Variants in BRWD1 observed in about 807,000 individuals in gnomAD.
BRWD1 encodes the protein bromodomain and WD repeat-containing protein 1.
BRWD1 carries 82 observed loss-of-function variants against 251.2 expected under a neutral mutation model. That is an observed-to-expected ratio of 0.33 (90% CI 0.27 to 0.39). BRWD1 has a LOEUF of 0.39. BRWD1 is among the 10% of genes least tolerant of loss of function. BRWD1 has a pLI of 1.00. For missense variants in BRWD1, 2,233 were observed against 2,711.6 expected (o/e 0.82, Z 3.92); for synonymous variants, 918 against 902.8 (o/e 1.02, Z -0.30).
intron 20 of BRWD1, among the ~76,000 whole-genome samples, chr21:39,249,751 G>T (rs2034326591): frequency 6.6e-6 from 1 of 152,152 alleles, no homozygotes; most frequent in South Asian, 2.1e-4. Context: ...TCGTATTAAT[G>T]AGTTTCACGA....
At position 39,218,291 on chromosome 21, in the gene BRWD1, G is replaced by T. The variant is rs2033036348; in HGVS notation, c.3539-19C>A. ...GCTATATCTGTTAGGGAAGACAGGA[G>T]AGTTTTTAATCAATAAATCCATTGC... On this transcript the variant is annotated intron_variant, in intron 30 of 40. Transcript: ENST00000342449. 1.3e-6 allele frequency: 2 copies of T among 1,589,638 alleles called. No homozygotes were observed. The highest frequency in any genetic ancestry group is 2.3e-5 in the South Asian group (2 of 86,128).
At chr21:39,293,226 G>A (rs2035865411) in intron 8 of BRWD1, among the ~76,000 whole-genome samples, 1 of 152,162 alleles carries the variant, frequency 6.6e-6, no homozygotes, top group Non-Finnish European at 1.5e-5. Flanking sequence ...GCGGCACGGT[G>A]GCTCACGCCT....
rs539145226 is a variant in BRWD1, at chr21:39,189,349, G to A, written c.*6910C>T. On this transcript the variant is annotated 3_prime_UTR_variant, in exon 41 of 41. Transcript: ENST00000342449. ...AATTTGTAACAAAATGCTTTAAGTT[G>A]CAGAAATTCCATTTTGATGTGTGAT... 5.1e-6 allele frequency: 5 copies of A among 984,910 alleles called. No individual in the cohort carries two copies. Among genetic ancestry groups the A allele is most frequent in the Non-Finnish European group, 4.8e-6 (4 of 829,648 alleles). The allele number at this position is 984,910 out of a possible 1,614,324, so 61.0% of individuals were successfully genotyped here.
At chr21:39,297,016 T>C (rs895204345) in intron 5 of BRWD1, 4 of 985,302 alleles carry the variant, frequency 4.1e-6, no homozygotes, top group Non-Finnish European at 4.8e-6. Flanking sequence ...CCCTTCATTG[T>C]AGGATCACAG....
At chr21:39,215,585 A>G (rs539928522) in intron 31 of BRWD1, among the ~76,000 whole-genome samples, 2 of 152,324 alleles carry the variant, frequency 1.3e-5, no homozygotes, top group African/African-American at 4.8e-5. Flanking sequence ...AATCTTAACA[A>G]ATTACTTAAT....
intron 7 of BRWD1, among the ~76,000 whole-genome samples, chr21:39,295,173 ATGTTT>A (rs1271551650): frequency 1.2e-4 from 11 of 88,256 alleles, no homozygotes; most frequent in African/African-American, 4.2e-4. Flanking sequence ...AGGTATGTCT[ATGTTT>A]TTTTTTTTTT....
chr21:39,187,151 A>G lies in BRWD1; in HGVS notation c.*9108T>C, dbSNP rs760977197. On this transcript the variant is annotated 3_prime_UTR_variant, in exon 41 of 41. Coordinates refer to ENST00000342449, the MANE Select transcript of BRWD1 (RefSeq NM_033656.4). ...TCATCCTCTTTATAAACATTCAGTA[A>G]TTTTTTCTTAGCCGCAGCAGAAGCA... 5 of 1,613,534 alleles carry G rather than the reference A, an allele frequency of 3.1e-6. No individual in the cohort carries two copies. The highest frequency in any genetic ancestry group is 2.2e-5 in the South Asian group (2 of 90,940).
upstream of BRWD1, among the ~76,000 whole-genome samples, chr21:39,316,508 C>T (rs2036700004): frequency 1.3e-5 from 2 of 152,170 alleles, no homozygotes; most frequent in African/African-American, 4.8e-5. Flanking sequence ...AGGAGTTGTG[C>T]ATTTCATTTT....
At chr21:39,204,698 A>T (rs2032305396) in intron 37 of BRWD1, among the ~76,000 whole-genome samples, 1 of 152,194 alleles carries the variant, frequency 6.6e-6, no homozygotes, top group Non-Finnish European at 1.5e-5. Flanking sequence ...TTTTCCATGG[A>T]CTGGGACTGG....
In BRWD1 at chr21:39,194,417, T is replaced by TA. The variant is rs1453232365; in HGVS notation, c.*1841dup. 2 of 1,211,642 alleles carry TA rather than the reference T, an allele frequency of 1.7e-6. No individual in the cohort carries two copies. Among genetic ancestry groups the TA allele is most frequent in the African/African-American group, 1.6e-5 (1 of 63,800 alleles). The allele number at this position is 1,211,642 out of a possible 1,614,324, so 75.1% of individuals were successfully genotyped here. On this transcript the variant is annotated 3_prime_UTR_variant, in exon 41 of 41. Coordinates refer to ENST00000342449, the MANE Select transcript of BRWD1 (RefSeq NM_033656.4). ...ATTAGCAAAGTAAAAGGCATCCCAT[T>TA]AGTCTTTTCAGTCTTAGTCAAGGAC...
chr21:39,254,345 G>T (rs906971670), intron 19 of BRWD1, among the ~76,000 whole-genome samples: 19 of 152,156 alleles, frequency 1.2e-4, no homozygotes, highest in Non-Finnish European at 2.6e-4. Flanking sequence ...TTTACAAGAT[G>T]AACTATAATA....
intron 20 of BRWD1, among the ~76,000 whole-genome samples, chr21:39,248,947 G>C (rs2034301054): frequency 6.6e-6 from 1 of 151,860 alleles, no homozygotes; most frequent in South Asian, 2.1e-4. Context: ...AATAGTATAA[G>C]ACATGGAATC....
intron 11 of BRWD1, 79 bp downstream of exon 11, chr21:39,277,172 G>T: frequency 1.1e-6 from 1 of 895,700 alleles, no homozygotes; most frequent in Non-Finnish European, 1.6e-6. Context: ...TAAAAGTAGA[G>T]CCAATAACAA....
chr21:39,290,199 A>G (rs1235948549), intron 8 of BRWD1, among the ~76,000 whole-genome samples: 1 of 151,064 alleles, frequency 6.6e-6, no homozygotes, highest in Non-Finnish European at 1.5e-5. Context: ...TGTTAAAATC[A>G]CCCACTGAGG....
intron 7 of BRWD1, among the ~76,000 whole-genome samples, chr21:39,295,118 G>A (rs1219488900): frequency 6.9e-6 from 1 of 145,664 alleles, no homozygotes; most frequent in East Asian, 2.1e-4. Flanking sequence ...TAATTACAAT[G>A]TAATCTAATT....
chr21:39,205,138 C>A (rs1226627733), intron 37 of BRWD1, among the ~76,000 whole-genome samples: 1 of 152,092 alleles, frequency 6.6e-6, no homozygotes, highest in East Asian at 1.9e-4. Flanking sequence ...TCAGAATGTA[C>A]AGTACTCTAA....
intron 8 of BRWD1, among the ~76,000 whole-genome samples, chr21:39,290,001 G>T (rs1430418768): frequency 4.0e-5 from 6 of 149,456 alleles, no homozygotes; most frequent in African/African-American, 1.2e-4. Context: ...CTCCAGCCTG[G>T]GTGACAGAGT....
Position 39,196,327 on chromosome 21 carries a change from T to A in BRWD1, c.6742A>T (p.Arg2248Ter), listed in dbSNP as rs1568851648. Residue 2248 changes from arginine (R) to a stop codon, truncating the protein, a stop_gained, in exon 41 of 41, where the codon AGA becomes TGA. Coordinates refer to ENST00000342449, the MANE Select transcript of BRWD1 (RefSeq NM_033656.4). LOFTEE classifies it high-confidence loss of function. ...KTRNQGRRTV[R>*]YHDGDDDRSL... ...CTGTCATCATCCCCATCATGGTATC[T>A]CACAGTCCTTCTACCCTGATTTCTC... 2.5e-6 allele frequency: 4 copies of A among 1,613,200 alleles called. No individual in the cohort carries two copies.
chr21:39,316,529 C>T (rs1041568337), upstream of BRWD1, among the ~76,000 whole-genome samples: 2 of 152,068 alleles, frequency 1.3e-5, no homozygotes, highest in African/African-American at 4.8e-5. Context: ...GTAACAAGGG[C>T]GTAAGATTAA....
Sources: allele counts gnomAD v4.1 joint callset (sites outside exome capture counted in the v4.1 genomes callset), GRCh38; gene constraint gnomAD v4.1.1; transcripts MANE v1.5; gene names NCBI Gene and HGNC (gene_info 2026-07-23, HGNC 2026-07-21).